ROBO2: variants seen among roughly 807,000 people sequenced by gnomAD.
ROBO2 encodes roundabout homolog 2.
A neutral mutation model predicts 160.8 loss-of-function variants in ROBO2; 53 were observed. The ratio of observed to expected loss-of-function variants is 0.33; its 90% CI spans 0.26 to 0.41. The LOEUF is 0.41. ROBO2 is among the 10% of genes least tolerant of loss of function. The pLI, the probability that ROBO2 is intolerant of heterozygous loss-of-function variation, is 1.00. For synonymous variants in ROBO2, 664 were observed against 611.7 expected, an observed-to-expected ratio of 1.09 and a Z score of -1.26; for missense variants, 1,577 against 1,722.4, an observed-to-expected ratio of 0.92 and a Z score of 1.49.
At chr3:76,928,469 T>G (rs868492258) in intron 2 of ROBO2, among the ~76,000 whole-genome samples, 2 of 139,832 alleles carry the variant, frequency 1.4e-5, no homozygotes, top group African/African-American at 2.8e-5. Flanking sequence ...TTTTTTTTTT[T>G]GCAGAAGTAA....
Position 76,298,860 on chromosome 3 carries a change from A to G in ROBO2, c.109+361258A>G, listed in dbSNP as rs138504251. ...CTGTCCTTGTTTTCAATCAAGATCA[A>G]TGGTTAATGTGTCCAAGGTAAATCT... On this transcript the variant is annotated intron_variant, in intron 2 of 26. Coordinates refer to the ROBO2 transcript ENST00000487694. Among the ~76,000 whole-genome samples the G allele has an allele frequency of 1.5e-3, 221 of 152,310 alleles. 1 individual carries two copies. Among genetic ancestry groups the G allele is most frequent in the African/African-American group, 5.0e-3 (206 of 41,546 alleles).
intron 2 of ROBO2, among the ~76,000 whole-genome samples, chr3:76,368,386 G>T (rs1260561022): frequency 6.6e-6 from 1 of 151,850 alleles, no homozygotes; most frequent in African/African-American, 2.4e-5. Context: ...GATTCAGCTG[G>T]GTGATTTTTT....
chr3:76,401,223 T>A (rs1356831467), intron 2 of ROBO2, among the ~76,000 whole-genome samples: 1 of 151,532 alleles, frequency 6.6e-6, no homozygotes, highest in African/African-American at 2.4e-5. Context: ...TGTAACTTTA[T>A]CTTGTAAATT....
At chr3:76,555,868 G>A (rs1227345716) in intron 2 of ROBO2, among the ~76,000 whole-genome samples, 4 of 152,046 alleles carry the variant, frequency 2.6e-5, no homozygotes, top group Non-Finnish European at 5.9e-5. Context: ...AGCACCTGAG[G>A]TCAAGAGTGT....
chr3:76,656,971 T>C (rs760803167), intron 2 of ROBO2, among the ~76,000 whole-genome samples: 9 of 152,156 alleles, frequency 5.9e-5, no homozygotes, highest in Non-Finnish European at 8.8e-5. Context: ...TGGCTCTCTA[T>C]TTTGGAGAGA....
intron 2 of ROBO2, among the ~76,000 whole-genome samples, chr3:76,297,456 T>C (rs995177052): frequency 1.1e-4 from 16 of 152,154 alleles, no homozygotes; most frequent in African/African-American, 3.9e-4. Flanking sequence ...TTAATTGTTA[T>C]CATGTAGAAA....
intron 2 of ROBO2, among the ~76,000 whole-genome samples, chr3:76,268,697 T>A (rs536394759): frequency 3.9e-5 from 6 of 152,248 alleles, no homozygotes; most frequent in African/African-American, 1.4e-4. Context: ...AATTTTAAGG[T>A]ACACAATTCA....
intron 2 of ROBO2, among the ~76,000 whole-genome samples, chr3:77,031,392 A>G (rs1261402748): frequency 1.3e-5 from 2 of 149,936 alleles, no homozygotes; most frequent in Non-Finnish European, 3.0e-5. Flanking sequence ...TTCCTTTTTT[A>G]TATATAATTA....
At position 76,765,362 on chromosome 3, in the gene ROBO2, G is replaced by A. The variant is rs557889095; in HGVS notation, c.110-332652G>A. Among the ~76,000 whole-genome samples the A allele has an allele frequency of 5.1e-4, 77 of 151,750 alleles. 1 individual carries two copies. Among genetic ancestry groups the A allele is most frequent in the African/African-American group, 1.7e-3 (71 of 41,480 alleles). On this transcript the variant is annotated intron_variant, in intron 2 of 26. Transcript: ENST00000487694. ...AGTAGAAGGGTCAGAATTTAGTGGG[G>A]TACCCCAGACTGAACCCAGAGTGTG...
chr3:76,121,699 T>C (rs2070760400), intron 2 of ROBO2, among the ~76,000 whole-genome samples: 1 of 152,154 alleles, frequency 6.6e-6, no homozygotes, highest in South Asian at 2.1e-4. Context: ...GAAAAACTCA[T>C]CTGAATAGTT....
rs761616869 is a variant in ROBO2, at chr3:76,961,247, G to GGAAAAAA, written c.110-136767_110-136766insGAAAAAA. 4.0e-3 allele frequency among the ~76,000 whole-genome samples: 215 copies of GGAAAAAA among 54,400 alleles called. 9 individuals are homozygous for GGAAAAAA. Among genetic ancestry groups the GGAAAAAA allele is most frequent in the African/African-American group, 0.011 (204 of 18,434 alleles). 35.7% of individuals were successfully genotyped at this position (54,400 alleles called of 152,430 possible). ...ATTTGCTATGCTAATGTGCCACAGA[G>GGAAAAAA]AAAAAAAAAAAAAAAAAAAAACACT... On this transcript the variant is annotated intron_variant, in intron 2 of 26. Coordinates refer to the ROBO2 transcript ENST00000487694.
At chr3:76,712,285 C>G (rs1474294289) in intron 2 of ROBO2, among the ~76,000 whole-genome samples, 2 of 146,686 alleles carry the variant, frequency 1.4e-5, no homozygotes, top group East Asian at 3.9e-4. Flanking sequence ...GCTCTTTTTA[C>G]CAGGTGTGTT....
chr3:76,356,510 G>C (rs2075174553), intron 2 of ROBO2, among the ~76,000 whole-genome samples: 1 of 151,352 alleles, frequency 6.6e-6, no homozygotes, highest in Non-Finnish European at 1.5e-5. Flanking sequence ...AGCTGTTGCA[G>C]GTATATGAAT....
chr3:76,694,413 G>A (rs1453408496), intron 2 of ROBO2, among the ~76,000 whole-genome samples: 1 of 152,110 alleles, frequency 6.6e-6, no homozygotes, highest in African/African-American at 2.4e-5. Context: ...TTCAGTGACT[G>A]TTATATTAAG....
At chr3:77,252,507 A>G (rs2090450971) in intron 2 of ROBO2, among the ~76,000 whole-genome samples, 1 of 151,996 alleles carries the variant, frequency 6.6e-6, no homozygotes, top group Non-Finnish European at 1.5e-5. Flanking sequence ...TTTATATATC[A>G]TTATTAAATT....
At chr3:76,330,771 A>T (rs2073423553) in intron 2 of ROBO2, among the ~76,000 whole-genome samples, 1 of 151,720 alleles carries the variant, frequency 6.6e-6, no homozygotes, top group Non-Finnish European at 1.5e-5. Flanking sequence ...TTGCTTTGTC[A>T]GTGAAAAAGT....
In ROBO2 at chr3:76,110,693, A is replaced by G. The variant is rs191482898; in HGVS notation, c.109+173091A>G. On this transcript the variant is annotated intron_variant, in intron 2 of 26. Coordinates refer to the ROBO2 transcript ENST00000487694. The stretch of plus-strand genomic sequence containing the variant: ...TAGGGTAAAGAAAAACTTTGAAAAT[A>G]TAGATGGAAAAGGCATTTATGGTAC... 1.9e-4 allele frequency among the ~76,000 whole-genome samples: 29 copies of G among 152,260 alleles called. No homozygotes were observed. In the East Asian group the frequency reaches 5.4e-3, roughly 28 times the overall value.
At chr3:77,622,992 T>G (rs1344310644) in intron 23 of ROBO2, among the ~76,000 whole-genome samples, 1 of 152,198 alleles carries the variant, frequency 6.6e-6, no homozygotes, top group Non-Finnish European at 1.5e-5. Flanking sequence ...AGAAATGCAG[T>G]TATTTTTTCT....
intron 1 of ROBO2, among the ~76,000 whole-genome samples, chr3:77,056,586 C>A (rs1023954619): frequency 8.6e-5 from 13 of 151,912 alleles, no homozygotes; most frequent in Non-Finnish European, 4.4e-5. Context: ...ATATAGAGAA[C>A]TGAGCATTTA....
Sources: gnomAD v4.1 joint callset for allele counts (sites outside exome capture counted in the v4.1 genomes callset) on GRCh38, gnomAD v4.1.1 for gene constraint, MANE v1.5 for transcripts, NCBI Gene and HGNC (gene_info 2026-07-23, HGNC 2026-07-21) for gene names.